LRP1B: variants seen among roughly 807,000 people sequenced by gnomAD.
LRP1B encodes the protein low-density lipoprotein receptor-related protein 1B.
LRP1B carries 217 observed loss-of-function variants against 556.6 expected under a neutral mutation model. That is an observed-to-expected ratio of 0.39 (90% CI 0.35 to 0.44). LRP1B has a LOEUF of 0.44. LRP1B is among the 20% of genes least tolerant of loss of function. The probability of loss-of-function intolerance (pLI) is 1.00; values close to 1 mark genes in which losing one functional copy is unlikely to be tolerated. For synonymous variants in LRP1B, 2,047 were observed against 1,865.8 expected (o/e 1.10, Z -2.50); for missense variants, 5,053 against 5,620.8 (o/e 0.90, Z 3.23).
chr2:141,027,419 T>C (rs1221630811), intron 11 of LRP1B, among the ~76,000 whole-genome samples: 1 of 152,124 alleles, frequency 6.6e-6, no homozygotes, highest in Non-Finnish European at 1.5e-5. Context: ...ATGATACCTC[T>C]CATTTCTTAC....
intron 1 of LRP1B, among the ~76,000 whole-genome samples, chr2:141,869,105 C>A (rs1245463238): frequency 1.3e-5 from 2 of 151,990 alleles, no homozygotes; most frequent in Non-Finnish European, 1.5e-5. Flanking sequence ...AGTGTTTGGA[C>A]CACAATTGCT....
intron 11 of LRP1B, among the ~76,000 whole-genome samples, chr2:141,027,949 T>G (rs1698261846): frequency 6.6e-6 from 1 of 152,190 alleles, no homozygotes; most frequent in East Asian, 1.9e-4. Context: ...GATCTCAGAC[T>G]TCTATGCTCC....
intron 1 of LRP1B, among the ~76,000 whole-genome samples, chr2:142,027,933 CTTA>C (rs1329409936): frequency 2.6e-5 from 4 of 152,016 alleles, no homozygotes; most frequent in East Asian, 2.0e-4. Context: ...AGTATTTTGA[CTTA>C]TTATTCCACT....
intron 3 of LRP1B, among the ~76,000 whole-genome samples, chr2:141,419,876 T>C (rs1180330077): frequency 1.3e-5 from 2 of 151,258 alleles, no homozygotes; most frequent in East Asian, 3.9e-4. Flanking sequence ...TCAGAAAACA[T>C]GCTTGTTATA....
intron 2 of LRP1B, among the ~76,000 whole-genome samples, chr2:141,655,480 T>C (rs749422230): frequency 1.2e-4 from 18 of 152,168 alleles, no homozygotes; most frequent in Non-Finnish European, 2.1e-4. Context: ...ACCTAATTAA[T>C]TCATGCAATA....
chr2:140,299,718 G>GA (rs560463911), intron 83 of LRP1B, among the ~76,000 whole-genome samples: 9 of 151,924 alleles, frequency 5.9e-5, no homozygotes, highest in African/African-American at 2.2e-4. Context: ...CGTGATTAAT[G>GA]AAAAAAACAA....
At chr2:141,074,843 A>G (rs1033303505) in intron 7 of LRP1B, among the ~76,000 whole-genome samples, 1 of 152,090 alleles carries the variant, frequency 6.6e-6, no homozygotes, top group Non-Finnish European at 1.5e-5. Context: ...TACTAATCAT[A>G]AATTATTACT....
At chr2:140,893,884 A>C (rs1226313873) in intron 23 of LRP1B, among the ~76,000 whole-genome samples, 1 of 152,186 alleles carries the variant, frequency 6.6e-6, no homozygotes, top group Non-Finnish European at 1.5e-5. Flanking sequence ...CATGATGAAA[A>C]TAGCAATAAT....
At chr2:140,597,573 C>T (rs1682493703) in intron 43 of LRP1B, among the ~76,000 whole-genome samples, 1 of 152,084 alleles carries the variant, frequency 6.6e-6, no homozygotes, top group Admixed American at 6.6e-5. Flanking sequence ...AGAAAATTTG[C>T]ATGTCAGAAA....
intron 23 of LRP1B, among the ~76,000 whole-genome samples, chr2:140,900,070 T>G (rs540487324): frequency 1.1e-4 from 16 of 152,182 alleles, no homozygotes; most frequent in Admixed American, 5.2e-4. Flanking sequence ...CTATGACCCT[T>G]ATTATGGGGA....
chr2:141,649,795 G>T (rs1432262973), intron 2 of LRP1B, among the ~76,000 whole-genome samples: 1 of 152,144 alleles, frequency 6.6e-6, no homozygotes, highest in African/African-American at 2.4e-5. Flanking sequence ...AAGTTGACCA[G>T]AAAATTTAAC....
chr2:141,246,003 G>T (rs1684054332), intron 5 of LRP1B, among the ~76,000 whole-genome samples: 1 of 151,962 alleles, frequency 6.6e-6, no homozygotes, highest in Non-Finnish European at 1.5e-5. Flanking sequence ...AATCCAACAA[G>T]TTCTGTACCG....
intron 28 of LRP1B, among the ~76,000 whole-genome samples, chr2:140,851,171 T>A (rs1449647356): frequency 6.6e-6 from 1 of 152,164 alleles, no homozygotes; most frequent in Non-Finnish European, 1.5e-5. Context: ...TGTGTGGAGT[T>A]TTTTTTACAA....
intron 7 of LRP1B, among the ~76,000 whole-genome samples, chr2:141,140,476 G>A (rs1015424703): frequency 4.6e-5 from 7 of 152,098 alleles, no homozygotes; most frequent in African/African-American, 1.7e-4. Flanking sequence ...ACTGTATTTG[G>A]AGATAGGTCC....
At chr2:141,502,754 G>A (rs1307790173) in intron 2 of LRP1B, among the ~76,000 whole-genome samples, 2 of 151,902 alleles carry the variant, frequency 1.3e-5, no homozygotes, top group Non-Finnish European at 2.9e-5. Flanking sequence ...AGCTACTCAG[G>A]AGGCTGAGGC....
rs746279881 is a variant in LRP1B, at chr2:140,233,321, T to C, written c.13665A>G (p.Thr4555=). ...TTGCATATACCGGATTGGAGTAATT[T>C]GTTGGCTGAAGGAGAAAAAAAATAA... ...DLKGPLTAGP[T]NYSNPVYAKL... Residue 4555 remains threonine, a synonymous_variant, in exon 91 of 91, where the codon ACA becomes ACG. Transcript: ENST00000389484. 1.2e-5 allele frequency: 19 copies of C among 1,582,524 alleles called. 1 individual carries two copies. In the South Asian group the frequency reaches 1.8e-4, roughly 15 times the overall value.
intron 1 of LRP1B, among the ~76,000 whole-genome samples, chr2:141,818,727 G>A (rs566869036): frequency 2.7e-5 from 4 of 150,474 alleles, no homozygotes; most frequent in South Asian, 2.1e-4. Flanking sequence ...TAGTAGAGAC[G>A]GGGTTTCACC....
intron 1 of LRP1B, among the ~76,000 whole-genome samples, chr2:141,836,270 G>A (rs1289869557): frequency 1.3e-5 from 2 of 151,934 alleles, no homozygotes; most frequent in Non-Finnish European, 2.9e-5. Context: ...TTATTAGGAT[G>A]ATTAAATGTA....
At chr2:140,968,922 C>T (rs1362314927) in intron 18 of LRP1B, among the ~76,000 whole-genome samples, 5 of 152,182 alleles carry the variant, frequency 3.3e-5, no homozygotes, top group Non-Finnish European at 7.3e-5. Flanking sequence ...TGTTCTTTTA[C>T]ATTTGCTGAA....
Sources: allele counts gnomAD v4.1 joint callset (sites outside exome capture counted in the v4.1 genomes callset), GRCh38; gene constraint gnomAD v4.1.1; transcripts MANE v1.5; gene names NCBI Gene and HGNC (gene_info 2026-07-23, HGNC 2026-07-21).